PLCE1: variants seen among roughly 807,000 people sequenced by gnomAD.
PLCE1 encodes 1-phosphatidylinositol 4,5-bisphosphate phosphodiesterase epsilon-1.
PLCE1 carries 119 observed loss-of-function variants against 242.8 expected under a neutral mutation model. The observed-to-expected ratio is 0.49, with a 90% confidence interval of 0.42 to 0.57. The LOEUF (loss-of-function observed/expected upper bound fraction) is 0.57, where lower values mean the gene tolerates loss of function less well. PLCE1 is among the 20% of genes least tolerant of loss of function. The pLI is 0.00. For missense variants in PLCE1, 2,441 were observed against 2,788.8 expected, an observed-to-expected ratio of 0.88 and a Z score of 2.81; for synonymous variants, 945 against 1,017.4, an observed-to-expected ratio of 0.93 and a Z score of 1.35.
intron 3 of PLCE1, among the ~76,000 whole-genome samples, chr10:94,148,933 G>A (rs1351780858): frequency 6.6e-6 from 1 of 152,170 alleles, no homozygotes; most frequent in Admixed American, 6.5e-5. Flanking sequence ...TGTCTGAGAA[G>A]AGTTGGCTGC....
chr10:94,056,982 T>C (rs980848972), intron 2 of PLCE1, among the ~76,000 whole-genome samples: 1 of 152,212 alleles, frequency 6.6e-6, no homozygotes, highest in Admixed American at 6.5e-5. Context: ...ATGTTAGTAC[T>C]TCACTACTTT....
At chr10:94,006,281 T>A (rs1294669703) in intron 1 of PLCE1, among the ~76,000 whole-genome samples, 1 of 152,248 alleles carries the variant, frequency 6.6e-6, no homozygotes, top group Non-Finnish European at 1.5e-5. Flanking sequence ...GTTTGACATG[T>A]AATATCATCT....
At chr10:94,010,233 C>T (rs2061142573) in intron 1 of PLCE1, among the ~76,000 whole-genome samples, 1 of 152,214 alleles carries the variant, frequency 6.6e-6, no homozygotes, top group Non-Finnish European at 1.5e-5. Flanking sequence ...CTGAGCTGTA[C>T]ATGGAATCTT....
chr10:94,182,477 C>T (rs2048345932), intron 4 of PLCE1, among the ~76,000 whole-genome samples: 1 of 151,314 alleles, frequency 6.6e-6, no homozygotes, highest in African/African-American at 2.4e-5. Flanking sequence ...ACCATGTTGG[C>T]CAGGCTGGCC....
At chr10:94,265,229 T>A (rs1463952036) in intron 14 of PLCE1, among the ~76,000 whole-genome samples, 3 of 152,202 alleles carry the variant, frequency 2.0e-5, no homozygotes, top group Non-Finnish European at 2.9e-5. Flanking sequence ...AATTGTGAGA[T>A]TACTATCACA....
At chr10:94,089,005 C>A (rs926939767) in intron 2 of PLCE1, 1 of 1,402,992 alleles carries the variant, frequency 7.1e-7, no homozygotes, top group Non-Finnish European at 9.8e-7. Flanking sequence ...CATTTCATTT[C>A]AGCTAATGTA....
At chr10:94,315,113 A>G (rs2053522359) in intron 28 of PLCE1, 1 of 238,210 alleles carries the variant, frequency 4.2e-6, no homozygotes, top group African/African-American at 2.3e-5. Context: ...GTGGCCCAGA[A>G]GCTTCACATC....
At chr10:94,285,729 G>T (rs2052419895) in intron 22 of PLCE1, among the ~76,000 whole-genome samples, 1 of 152,100 alleles carries the variant, frequency 6.6e-6, no homozygotes, top group Non-Finnish European at 1.5e-5. Context: ...GTGCTCTGAT[G>T]GTCTGGATCC....
At chr10:94,004,672 C>A (rs1212531521) in intron 1 of PLCE1, among the ~76,000 whole-genome samples, 1 of 152,210 alleles carries the variant, frequency 6.6e-6, no homozygotes, top group South Asian at 2.1e-4. Flanking sequence ...TTTTTGCCCA[C>A]AATTTTGGAC....
intron 26 of PLCE1, among the ~76,000 whole-genome samples, chr10:94,307,030 G>A (rs1470973173): frequency 2.6e-5 from 4 of 152,198 alleles, no homozygotes; most frequent in Non-Finnish European, 4.4e-5. Context: ...GAGGGGTCGG[G>A]TGTGGTGGTG....
chr10:94,144,391 G>T (rs1026605744), intron 3 of PLCE1, among the ~76,000 whole-genome samples: 3 of 152,066 alleles, frequency 2.0e-5, no homozygotes, highest in Admixed American at 1.3e-4. Flanking sequence ...CTACAGAATT[G>T]ATCATTTTCC....
intron 3 of PLCE1, among the ~76,000 whole-genome samples, chr10:94,149,605 A>C (rs956909032): frequency 2.6e-5 from 4 of 152,194 alleles, no homozygotes; most frequent in Non-Finnish European, 4.4e-5. Flanking sequence ...ATTCCCAGAT[A>C]AAAACCTGGG....
In PLCE1 at chr10:94,227,236, T is replaced by C; in HGVS notation, c.1810-70T>C. On this transcript the variant is annotated intron_variant, in intron 4 of 32. Coordinates refer to ENST00000371380, the MANE Select transcript of PLCE1 (RefSeq NM_016341.4). Reference sequence around the variant, plus strand: ...TTGATATTTTTAGAAAAACAAAGAATGCTTTTGGAAAAAAAAATTGCCAAG... The same window carrying C: ...TTGATATTTTTAGAAAAACAAAGAACGCTTTTGGAAAAAAAAATTGCCAAG... The C allele has an allele frequency of 6.3e-6, 9 of 1,423,904 alleles. No individual in the cohort carries two copies. The South Asian group carries it at 1.0e-4, about 16-fold the overall frequency. The allele number at this position is 1,423,904 out of a possible 1,614,324, so 88.2% of individuals were successfully genotyped here.
intron 2 of PLCE1, among the ~76,000 whole-genome samples, chr10:94,051,106 T>A (rs1055109157): frequency 2.0e-5 from 3 of 151,972 alleles, no homozygotes; most frequent in African/African-American, 7.3e-5. Context: ...AGATTAAGGA[T>A]TTTGGGGTAC....
At chr10:94,141,470 G>T (rs2046951423) in intron 3 of PLCE1, among the ~76,000 whole-genome samples, 2 of 151,692 alleles carry the variant, frequency 1.3e-5, no homozygotes, top group African/African-American at 4.8e-5. Context: ...AGAGGGAGAG[G>T]GAGGAGAAGG....
At chr10:94,078,953 A>T (rs1191852173) in intron 2 of PLCE1, among the ~76,000 whole-genome samples, 1 of 152,220 alleles carries the variant, frequency 6.6e-6, no homozygotes, top group Non-Finnish European at 1.5e-5. Context: ...GGATGTGTGC[A>T]AAGTAACATC....
intron 1 of PLCE1, among the ~76,000 whole-genome samples, chr10:94,021,732 T>C (rs562109599): frequency 6.6e-6 from 1 of 152,140 alleles, no homozygotes; most frequent in South Asian, 2.1e-4. Flanking sequence ...AGCCTTTATG[T>C]TTTCCACAAA....
chr10:94,045,720 G>A (rs1589909968), intron 2 of PLCE1, among the ~76,000 whole-genome samples: 1 of 152,194 alleles, frequency 6.6e-6, no homozygotes, highest in African/African-American at 2.4e-5. Flanking sequence ...CTGAAACAGA[G>A]CACCAGCCCT....
intron 4 of PLCE1, among the ~76,000 whole-genome samples, chr10:94,186,298 G>A (rs137963860): frequency 2.8e-4 from 42 of 152,170 alleles, no homozygotes; most frequent in African/African-American, 9.9e-4. Context: ...CTAATTATTA[G>A]CCTGGTTGAT....
Sources: allele counts gnomAD v4.1 joint callset (sites outside exome capture counted in the v4.1 genomes callset), GRCh38; gene constraint gnomAD v4.1.1; transcripts MANE v1.5; gene names NCBI Gene and HGNC (gene_info 2026-07-23, HGNC 2026-07-21).